TPRG1: variants seen among roughly 807,000 people sequenced by gnomAD.
TPRG1 encodes tumor protein p63-regulated gene 1 protein.
Under a neutral mutation model 29.3 loss-of-function variants are expected in TPRG1, and 29 were observed. That is an observed-to-expected ratio of 0.99 (90% CI 0.74 to 1.35). TPRG1 has a LOEUF of 1.35. TPRG1 is among the 40% of genes most tolerant of loss of function. The pLI, the probability that TPRG1 is intolerant of heterozygous loss-of-function variation, is 0.00. For synonymous variants in TPRG1, 130 were observed against 116.8 expected (o/e 1.11, Z -0.73); for missense variants, 327 against 335.0 (o/e 0.98, Z 0.19).
At chr3:189,192,032 C>T (rs1298528354) in intron 1 of TPRG1, among the ~76,000 whole-genome samples, 1 of 152,154 alleles carries the variant, frequency 6.6e-6, no homozygotes, top group Non-Finnish European at 1.5e-5. Flanking sequence ...AGGGACAAAT[C>T]GGGGCACAGG....
intron 4 of TPRG1, among the ~76,000 whole-genome samples, chr3:189,080,032 A>C (rs1457029518): frequency 6.6e-6 from 1 of 152,192 alleles, no homozygotes; most frequent in Non-Finnish European, 1.5e-5. Flanking sequence ...ATATCTGTTG[A>C]ATGAACGAAT....
chr3:189,259,357 AC>A (rs998036536), intron 4 of TPRG1, among the ~76,000 whole-genome samples: 1 of 150,838 alleles, frequency 6.6e-6, no homozygotes, highest in Non-Finnish European at 1.5e-5. Flanking sequence ...AATGAGATGA[AC>A]TGGGTACCTC....
chr3:189,215,858 G>A (rs1009186415), intron 3 of TPRG1, among the ~76,000 whole-genome samples: 7 of 152,130 alleles, frequency 4.6e-5, no homozygotes, highest in Non-Finnish European at 8.8e-5. Flanking sequence ...CATGAAGATA[G>A]CTAAGTCAGG....
chr3:189,026,938 C>A (rs1209165174), intron 4 of TPRG1, among the ~76,000 whole-genome samples: 1 of 152,094 alleles, frequency 6.6e-6, no homozygotes, highest in Non-Finnish European at 1.5e-5. Flanking sequence ...TGACTTGTGC[C>A]ACTTATATAT....
At chr3:189,091,632 T>C (rs957103954) in intron 4 of TPRG1, among the ~76,000 whole-genome samples, 1 of 152,102 alleles carries the variant, frequency 6.6e-6, no homozygotes, top group Non-Finnish European at 1.5e-5. Context: ...TTATCTGGAG[T>C]TATTTAATAC....
At position 189,238,799 on chromosome 3, in the gene TPRG1, C is replaced by G; in HGVS notation, c.369C>G (p.Cys123Trp). The change falls in exon 4 of 6, where the codon TGC becomes TGG. Residue 123 changes from cysteine (C) to tryptophan (W), a missense_variant. Cys to Trp is a radical substitution (Grantham distance 215, BLOSUM62 -2). Coordinates refer to ENST00000345063, the MANE Select transcript of TPRG1 (RefSeq NM_198485.4). ...TCACAGACAAGACTCTCTTGATCTG[C>G]AAATACGACTTCATCATGCTGAGTT... ...LLVTDKTLLI[C>W]KYDFIMLSCV... The G allele has an allele frequency of 6.2e-7, 1 of 1,613,804 alleles. No homozygotes were observed. Among genetic ancestry groups the G allele is most frequent in the Non-Finnish European group, 8.5e-7 (1 of 1,179,748 alleles).
chr3:189,117,645 C>T (rs746619300), intron 1 of TPRG1, among the ~76,000 whole-genome samples: 9 of 152,136 alleles, frequency 5.9e-5, no homozygotes, highest in African/African-American at 2.2e-4. Flanking sequence ...GGAGTAGTTT[C>T]CCACATGCTG....
chr3:189,182,009 C>A (rs955036856), intron 1 of TPRG1, among the ~76,000 whole-genome samples: 4 of 152,136 alleles, frequency 2.6e-5, no homozygotes, highest in Admixed American at 2.6e-4. Context: ...AGGGTAACTC[C>A]TCTTTTTAAA....
intron 4 of TPRG1, among the ~76,000 whole-genome samples, chr3:189,043,890 G>A (rs952153453): frequency 6.6e-6 from 1 of 152,114 alleles, no homozygotes; most frequent in Admixed American, 6.5e-5. Flanking sequence ...CTCTCGAGAC[G>A]ATGAGGTCTA....
chr3:189,008,923 T>C (rs1397678652), intron 3 of TPRG1, among the ~76,000 whole-genome samples: 1 of 152,184 alleles, frequency 6.6e-6, no homozygotes, highest in Non-Finnish European at 1.5e-5. Flanking sequence ...GGCAACTCAG[T>C]ACTTTTTCTT....
intron 4 of TPRG1, among the ~76,000 whole-genome samples, chr3:189,261,800 G>A (rs963078964): frequency 6.6e-6 from 1 of 152,160 alleles, no homozygotes; most frequent in African/African-American, 2.4e-5. Flanking sequence ...TACGGGATGA[G>A]CCAAACTTGG....
chr3:189,072,945 G>C (rs1361568862), intron 4 of TPRG1, among the ~76,000 whole-genome samples: 1 of 152,080 alleles, frequency 6.6e-6, no homozygotes, highest in African/African-American at 2.4e-5. Context: ...TCTGTGTATT[G>C]TTATATGCTT....
Position 189,207,572 on chromosome 3 carries a change from C to T in TPRG1, c.188C>T (p.Ser63Leu). Reference protein sequence around the residue: ...YPNPYHQPYISRKYFATRPGA... With the variant: ...YPNPYHQPYILRKYFATRPGA... The stretch of plus-strand genomic sequence containing the variant: ...AATCCTTATCATCAGCCTTATATCT[C>T]ACGGAAGTACTTTGCTACACGGGTA... The change falls in exon 2 of 6, where the codon TCA (serine) becomes TTA (leucine). Residue 63 changes from serine to leucine, a missense_variant. Coordinates refer to ENST00000345063, the MANE Select transcript of TPRG1 (RefSeq NM_198485.4). The T allele has an allele frequency of 6.2e-6, 10 of 1,612,048 alleles. No individual in the cohort carries two copies. Among genetic ancestry groups the T allele is most frequent in the Non-Finnish European group, 8.5e-6 (10 of 1,178,030 alleles).
chr3:189,288,638 A>T (rs1718478743), intron 4 of TPRG1, among the ~76,000 whole-genome samples: 1 of 152,108 alleles, frequency 6.6e-6, no homozygotes, highest in Non-Finnish European at 1.5e-5. Flanking sequence ...TCCTCTTCCC[A>T]CCTCAGTGGG....
chr3:189,059,548 C>T (rs896344109), intron 4 of TPRG1, among the ~76,000 whole-genome samples: 5 of 151,406 alleles, frequency 3.3e-5, no homozygotes, highest in African/African-American at 4.9e-5. Context: ...GCTGAGATCG[C>T]GCCACTGCAC....
intron 1 of TPRG1, among the ~76,000 whole-genome samples, chr3:189,118,259 C>A (rs1721414138): frequency 6.6e-6 from 1 of 152,122 alleles, no homozygotes; most frequent in Admixed American, 6.5e-5. Context: ...TACCCCTGCC[C>A]TAGAGATCTG....
At chr3:189,263,264 A>G (rs1417798448) in intron 4 of TPRG1, among the ~76,000 whole-genome samples, 1 of 152,248 alleles carries the variant, frequency 6.6e-6, no homozygotes, top group East Asian at 1.9e-4. Context: ...TTTCTAAAGA[A>G]GAAATTTTGG....
At chr3:189,072,070 G>A (rs1224953913) in intron 4 of TPRG1, among the ~76,000 whole-genome samples, 1 of 152,198 alleles carries the variant, frequency 6.6e-6, no homozygotes, top group Non-Finnish European at 1.5e-5. Context: ...TGACTTGATA[G>A]TGATGATGGA....
chr3:189,240,996 C>A (rs1304643000), intron 4 of TPRG1, among the ~76,000 whole-genome samples: 1 of 152,052 alleles, frequency 6.6e-6, no homozygotes, highest in African/African-American at 2.4e-5. Context: ...TCTATTTAGC[C>A]AGTCCCTCAT....
Sources: allele counts gnomAD v4.1 joint callset (sites outside exome capture counted in the v4.1 genomes callset), GRCh38; gene constraint gnomAD v4.1.1; transcripts MANE v1.5; gene names NCBI Gene and HGNC (gene_info 2026-07-23, HGNC 2026-07-21).